Variants in LOXHD1 observed in about 807,000 individuals in gnomAD.
LOXHD1 encodes lipoxygenase homology PLAT domains 1.
LOXHD1 carries 205 observed loss-of-function variants against 248.2 expected under a neutral mutation model. That is an observed-to-expected ratio of 0.83 (90% CI 0.74 to 0.93). LOXHD1 has a LOEUF of 0.93. Among genes scored for constraint, LOXHD1 ranks in the 40% least tolerant of loss-of-function variants. The probability of loss-of-function intolerance (pLI) is 0.00; values close to 1 mark genes in which losing one functional copy is unlikely to be tolerated. For synonymous variants in LOXHD1, 1,113 were observed against 1,162.8 expected (o/e 0.96, Z 0.87); for missense variants, 2,930 against 2,971.6 (o/e 0.99, Z 0.33).
rs571809845 is a variant in LOXHD1 at position 46,587,814 on chromosome 18, G to A, written c.1654+4119C>T. ...TATTTTACTGTCATGTAGCTCCTGA[G>A]GGACAGCCAAGGTGGAAATAAATTG... On this transcript the variant is annotated intron_variant, in intron 12 of 40. Transcript: ENST00000642948. Among the ~76,000 whole-genome samples the A allele has an allele frequency of 1.1e-4, 17 of 152,236 alleles. No homozygotes were observed. In the East Asian group the frequency reaches 2.3e-3, roughly 21 times the overall value.
At chr18:46,629,850 G>A (rs890181997) in intron 4 of LOXHD1, among the ~76,000 whole-genome samples, 1 of 150,672 alleles carries the variant, frequency 6.6e-6, no homozygotes, top group Non-Finnish European at 1.5e-5. Flanking sequence ...ATTTGCTCCA[G>A]AATGGGAGTC....
downstream of LOXHD1, chr18:46,476,981 C>T (rs1457942780): frequency 3.4e-6 from 2 of 580,050 alleles, no homozygotes; most frequent in Non-Finnish European, 6.1e-6. Context: ...CTCCACTTGC[C>T]ACTGGGTTTA....
chr18:46,502,316 C>T (rs2034283195), intron 37 of LOXHD1, among the ~76,000 whole-genome samples: 1 of 152,114 alleles, frequency 6.6e-6, no homozygotes, highest in Non-Finnish European at 1.5e-5. Context: ...TCCCGAGAAA[C>T]AGGCTGAGAC....
intron 5 of LOXHD1, among the ~76,000 whole-genome samples, chr18:46,617,082 C>T (rs546593594): frequency 5.2e-4 from 79 of 152,236 alleles, no homozygotes; most frequent in Admixed American, 1.0e-3. Context: ...AATGCTTTTG[C>T]CAAATATCTA....
chr18:46,493,342 A>G (rs1395751373), intron 37 of LOXHD1, among the ~76,000 whole-genome samples: 1 of 152,242 alleles, frequency 6.6e-6, no homozygotes, highest in African/African-American at 2.4e-5. Context: ...CTTTCTGTCA[A>G]TAATGATATG....
chr18:46,562,968 CGG>C (rs1568187549), intron 18 of LOXHD1, 95 bp downstream of exon 18: 1 of 1,376,514 alleles, frequency 7.3e-7, no homozygotes, highest in African/African-American at 1.4e-5. Flanking sequence ...AGCCCATTCT[CGG>C]GTGAGTATTG....
chr18:46,611,363 G>T (rs1274605112), intron 5 of LOXHD1, among the ~76,000 whole-genome samples: 1 of 152,162 alleles, frequency 6.6e-6, no homozygotes, highest in African/African-American at 2.4e-5. Flanking sequence ...AGATGCTGCT[G>T]GTTGTTTAAC....
At chr18:46,610,737 C>G in intron 6 of LOXHD1, 39 bp downstream of exon 6, 2 of 1,513,876 alleles carry the variant, frequency 1.3e-6, no homozygotes, top group Non-Finnish European at 1.8e-6. Context: ...GGCCCCCCTT[C>G]CAAGGCCACA....
At chr18:46,547,687 C>T (rs2036910491) in intron 21 of LOXHD1, among the ~76,000 whole-genome samples, 1 of 152,040 alleles carries the variant, frequency 6.6e-6, no homozygotes, top group Non-Finnish European at 1.5e-5. Context: ...AAGGACTCTC[C>T]CCTGGGTCAG....
At chr18:46,583,687 G>T (rs537796810) in intron 12 of LOXHD1, among the ~76,000 whole-genome samples, 2 of 151,978 alleles carry the variant, frequency 1.3e-5, no homozygotes, top group African/African-American at 4.8e-5. Context: ...AAAAACAAAA[G>T]AAGTGTTGGC....
At position 46,606,699 on chromosome 18, in the gene LOXHD1, A is replaced by G. The variant is rs184390590; in HGVS notation, c.760-2470T>C. Among the ~76,000 whole-genome samples the G allele has an allele frequency of 1.7e-3, 259 of 152,348 alleles. 1 individual carries two copies. Among genetic ancestry groups the G allele is most frequent in the African/African-American group, 5.9e-3 (245 of 41,584 alleles). ...ACACTTCTGGTCCCAAGCATTTCCAATAAGGTATATTCAACCTGTATAGCA... is the reference window on the plus strand; with the variant it reads ...ACACTTCTGGTCCCAAGCATTTCCAGTAAGGTATATTCAACCTGTATAGCA... On this transcript the variant is annotated intron_variant, in intron 6 of 40. Coordinates refer to ENST00000642948, the MANE Select transcript of LOXHD1 (RefSeq NM_001384474.1).
chr18:46,590,281 T>C (rs2144219587), intron 12 of LOXHD1, among the ~76,000 whole-genome samples: 1 of 152,186 alleles, frequency 6.6e-6, no homozygotes, highest in South Asian at 2.1e-4. Flanking sequence ...TAATGCATGC[T>C]GAGGTTTGAG....
chr18:46,521,486 G>A (rs757825729), intron 32 of LOXHD1, among the ~76,000 whole-genome samples: 2 of 152,112 alleles, frequency 1.3e-5, no homozygotes, highest in African/African-American at 2.4e-5. Flanking sequence ...CTAATCAGGC[G>A]AGCCCTTAAA....
At chr18:46,545,621 C>A (rs900957572) in intron 22 of LOXHD1, among the ~76,000 whole-genome samples, 200 bp from the exon 23 acceptor site, 8 of 119,198 alleles carry the variant, frequency 6.7e-5, no homozygotes, top group African/African-American at 9.8e-5. Flanking sequence ...TTCCTCTTGG[C>A]CATTTCTTTT....
chr18:46,649,074 A>C, intron 2 of LOXHD1, 81 bp downstream of exon 2: 5 of 1,157,838 alleles, frequency 4.3e-6, no homozygotes, highest in Non-Finnish European at 6.3e-6. Flanking sequence ...CTCCCCAGAG[A>C]AGCAGGCCAC....
chr18:46,601,275 C>A lies in LOXHD1; in HGVS notation c.1076G>T (p.Ser359Ile), dbSNP rs988567559. Residue 359 changes from serine (S) to isoleucine (I), a missense_variant, in exon 8 of 41, where the codon AGT becomes ATT. Ser to Ile is a moderately radical substitution (Grantham distance 142). Transcript: ENST00000642948. ...IELAVLLSPL[S>I]RVSVGHGNVG... ...ATTGCCATGCCCGACGGAGACCCGA[C>A]TCAGGGGGCTAAGGAGGACAGCCAG... The A allele has an allele frequency of 6.4e-7, 1 of 1,551,616 alleles. No homozygotes were observed. Among genetic ancestry groups the A allele is most frequent in the African/African-American group, 1.4e-5 (1 of 73,050 alleles).
intron 23 of LOXHD1, chr18:46,544,785 A>G: frequency 2.1e-6 from 1 of 471,136 alleles, no homozygotes; most frequent in Non-Finnish European, 4.4e-6. Context: ...TGAGCACCCC[A>G]TGGTCAAGGG....
chr18:46,506,380 G>C (rs1264068633), intron 36 of LOXHD1, among the ~76,000 whole-genome samples: 1 of 152,210 alleles, frequency 6.6e-6, no homozygotes, highest in Non-Finnish European at 1.5e-5. Context: ...CTCCTGCACA[G>C]TGTGGGTTCA....
At chr18:46,557,627 G>A in intron 20 of LOXHD1, 138 bp from the exon 21 acceptor site, 15 of 1,049,182 alleles carry the variant, frequency 1.4e-5, no homozygotes, top group Non-Finnish European at 2.1e-5. Context: ...TGGGGATGAT[G>A]GAGAATGTCA....
Sources: allele counts gnomAD v4.1 joint callset (sites outside exome capture counted in the v4.1 genomes callset), GRCh38; gene constraint gnomAD v4.1.1; transcripts MANE v1.5; gene names NCBI Gene and HGNC (gene_info 2026-07-23, HGNC 2026-07-21).